WDPCP: variants seen among roughly 807,000 people sequenced by gnomAD.
The protein encoded by WDPCP is WD repeat-containing and planar cell polarity effector protein fritz homolog.
WDPCP carries 71 observed loss-of-function variants against 93.1 expected under a neutral mutation model. The ratio of observed to expected loss-of-function variants is 0.76; its 90% CI spans 0.63 to 0.93. The LOEUF (loss-of-function observed/expected upper bound fraction) is 0.93, where lower values mean the gene tolerates loss of function less well. Ranked by LOEUF, WDPCP falls within the 40% of genes least tolerant of loss-of-function variation. WDPCP has a pLI of 0.00. For synonymous variants in WDPCP, 315 were observed against 315.0 expected (o/e 1.00, Z 0.00); for missense variants, 844 against 887.4 (o/e 0.95, Z 0.62).
At chr2:63,671,945 C>T (rs932888200) in intron 2 of WDPCP, among the ~76,000 whole-genome samples, 4 of 152,086 alleles carry the variant, frequency 2.6e-5, no homozygotes, top group African/African-American at 9.7e-5. Flanking sequence ...AGTTTTCTGG[C>T]TTTGTCAGTG....
intron 6 of WDPCP, among the ~76,000 whole-genome samples, chr2:63,477,475 G>T (rs1160582041): frequency 1.3e-5 from 2 of 152,014 alleles, no homozygotes; most frequent in African/African-American, 4.8e-5. Context: ...ATATGTATAG[G>T]TAAGTCTTGA....
intron 17 of WDPCP, among the ~76,000 whole-genome samples, chr2:63,147,908 C>A (rs1442272523): frequency 7.1e-6 from 1 of 139,950 alleles, no homozygotes; most frequent in East Asian, 2.1e-4. Flanking sequence ...GCAGAGGTTG[C>A]AGTGAGCCAA....
chr2:63,708,242 A>T (rs1185384428), intron 2 of WDPCP, among the ~76,000 whole-genome samples: 1 of 152,190 alleles, frequency 6.6e-6, no homozygotes, highest in Non-Finnish European at 1.5e-5. Flanking sequence ...CTACAGAGGC[A>T]GGCAGGCCTC....
At chr2:63,573,017 CA>C (rs1245066656) in intron 1 of WDPCP, among the ~76,000 whole-genome samples, 1 of 151,982 alleles carries the variant, frequency 6.6e-6, no homozygotes. Context: ...GAGGCCAAGG[CA>C]GGAGGACTGA....
At chr2:63,652,325 C>T (rs1180904085) in intron 2 of WDPCP, among the ~76,000 whole-genome samples, 3 of 152,232 alleles carry the variant, frequency 2.0e-5, no homozygotes, top group Non-Finnish European at 4.4e-5. Flanking sequence ...TGGGTCACAA[C>T]ACTTATGCAA....
chr2:63,381,034 A>T (rs1436435308), intron 11 of WDPCP, among the ~76,000 whole-genome samples: 1 of 152,150 alleles, frequency 6.6e-6, no homozygotes, highest in Non-Finnish European at 1.5e-5. Context: ...AGATCTTTTG[A>T]CATATTTCCT....
In WDPCP at chr2:63,668,688, C is replaced by T. The variant is rs969241328; in HGVS notation, n.309-17850G>A. Among the ~76,000 whole-genome samples, 3 of 152,174 alleles carry T rather than the reference C, an allele frequency of 2.0e-5. 1 individual carries two copies. The highest frequency in any genetic ancestry group is 7.2e-5 in the African/African-American group (3 of 41,444). On this transcript the variant is annotated intron_variant and non_coding_transcript_variant, in intron 2 of 4. Transcript: ENST00000467687. ...AGAAGATTTATCACCCACACTACTCCCTGCCCCCGCTTTCCAGGGTAAACT... is the reference window on the plus strand; with the variant it reads ...AGAAGATTTATCACCCACACTACTCTCTGCCCCCGCTTTCCAGGGTAAACT...
intron 2 of WDPCP, among the ~76,000 whole-genome samples, chr2:63,682,200 G>A (rs1046079722): frequency 1.3e-5 from 2 of 152,104 alleles, no homozygotes; most frequent in Admixed American, 6.5e-5. Context: ...AAGGTACCAG[G>A]GACCAATCAT....
chr2:63,253,437 A>G (rs1287500414), intron 14 of WDPCP, among the ~76,000 whole-genome samples: 1 of 152,132 alleles, frequency 6.6e-6, no homozygotes, highest in African/African-American at 2.4e-5. Flanking sequence ...AAAACTATCA[A>G]CAAAGTAAAC....
upstream of WDPCP, chr2:63,588,530 G>C: frequency 1.7e-6 from 1 of 596,522 alleles, no homozygotes; most frequent in Non-Finnish European, 3.0e-6. Context: ...TTTTGTTTCC[G>C]GGTCGATCCA....
At chr2:63,361,948 A>G (rs1690492357) in intron 12 of WDPCP, among the ~76,000 whole-genome samples, 1 of 152,102 alleles carries the variant, frequency 6.6e-6, no homozygotes, top group African/African-American at 2.4e-5. Flanking sequence ...AAAAATTGAT[A>G]TATCATAGTT....
upstream of WDPCP, among the ~76,000 whole-genome samples, chr2:63,829,514 T>G (rs533760202): frequency 2.0e-5 from 3 of 152,158 alleles, no homozygotes; most frequent in Non-Finnish European, 4.4e-5. Context: ...GTACTCTCCA[T>G]TTTTCTTCCC....
intron 1 of WDPCP, among the ~76,000 whole-genome samples, chr2:63,572,716 A>AAAAAAAAAAAAAG: frequency 6.8e-6 from 1 of 147,098 alleles, no homozygotes; most frequent in Non-Finnish European, 1.5e-5. Context: ...AAAAAAAAAA[A>AAAAAAAAAAAAAG]AAAAAAAAAA....
intron 12 of WDPCP, among the ~76,000 whole-genome samples, chr2:63,350,958 A>T (rs1689559738): frequency 7.0e-6 from 1 of 142,058 alleles, no homozygotes; most frequent in South Asian, 2.3e-4. Flanking sequence ...CTCTAATTTT[A>T]TTAAATATCA....
Position 63,542,621 on chromosome 2 carries a change from C to T in WDPCP, c.75+45576G>A, listed in dbSNP as rs575882806. On this transcript the variant is annotated intron_variant, in intron 1 of 17. Coordinates refer to ENST00000272321, the MANE Select transcript of WDPCP (RefSeq NM_015910.7). ...TAACATTTTGTCTAAAACTGGCTTGCATTACTCAAATACTAAATATGTATT... is the reference window on the plus strand; with the variant it reads ...TAACATTTTGTCTAAAACTGGCTTGTATTACTCAAATACTAAATATGTATT... 1.2e-4 allele frequency among the ~76,000 whole-genome samples: 18 copies of T among 152,308 alleles called. 1 individual carries two copies. Among genetic ancestry groups the T allele is most frequent in the African/African-American group, 4.3e-4 (18 of 41,582 alleles).
the WDPCP span, among the ~76,000 whole-genome samples, chr2:63,837,241 T>C: frequency 6.6e-6 from 1 of 152,230 alleles, no homozygotes; most frequent in Non-Finnish European, 1.5e-5. Flanking sequence ...GTCCATCTCA[T>C]AGATATAATT....
chr2:63,326,238 G>A (rs570125327), intron 12 of WDPCP, among the ~76,000 whole-genome samples: 16 of 152,144 alleles, frequency 1.1e-4, no homozygotes, highest in Non-Finnish European at 1.8e-4. Flanking sequence ...AGAGGATGAG[G>A]AACCAATCGA....
intron 6 of WDPCP, among the ~76,000 whole-genome samples, chr2:63,447,099 T>G (rs1439896912): frequency 6.6e-6 from 1 of 152,130 alleles, no homozygotes; most frequent in Non-Finnish European, 1.5e-5. Flanking sequence ...GCATGATACC[T>G]TGTTGAAGGT....
chr2:63,492,979 ATCT>A, intron 1 of WDPCP, 39 bp from the exon 2 acceptor site: 1 of 1,556,904 alleles, frequency 6.4e-7, no homozygotes, highest in Non-Finnish European at 8.9e-7. Flanking sequence ...CCAATTAATT[ATCT>A]TCTATTGCCA....
Sources: gnomAD v4.1 joint callset for allele counts (sites outside exome capture counted in the v4.1 genomes callset) on GRCh38, gnomAD v4.1.1 for gene constraint, MANE v1.5 for transcripts, NCBI Gene and HGNC (gene_info 2026-07-23, HGNC 2026-07-21) for gene names.